The following PARD3B variants were observed in gnomAD, a reference collection of about 807,000 sequenced individuals.
PARD3B encodes the protein partitioning defective 3 homolog B.
A neutral mutation model predicts 130.2 loss-of-function variants in PARD3B; 103 were observed. The ratio of observed to expected loss-of-function variants is 0.79; its 90% CI spans 0.67 to 0.93. PARD3B has a LOEUF of 0.93. Among genes scored for constraint, PARD3B ranks in the 40% least tolerant of loss-of-function variants. The probability of loss-of-function intolerance (pLI) is 0.00; values close to 1 mark genes in which losing one functional copy is unlikely to be tolerated. For synonymous variants in PARD3B, 583 were observed against 553.2 expected, an observed-to-expected ratio of 1.05 and a Z score of -0.76; for missense variants, 1,609 against 1,499.2, an observed-to-expected ratio of 1.07 and a Z score of -1.21.
chr2:205,179,706 A>C (rs878862968), intron 13 of PARD3B, among the ~76,000 whole-genome samples: 1 of 152,220 alleles, frequency 6.6e-6, no homozygotes, highest in Admixed American at 6.5e-5. Context: ...TTTTCTCAGA[A>C]TATATCCTCC....
intron 2 of PARD3B, among the ~76,000 whole-genome samples, chr2:204,848,089 T>C (rs1350266013): frequency 6.6e-6 from 1 of 152,214 alleles, no homozygotes; most frequent in African/African-American, 2.4e-5. Flanking sequence ...TATTACAGTG[T>C]ATTGTTATAA....
At chr2:205,273,665 G>A (rs1036933900) in intron 16 of PARD3B, among the ~76,000 whole-genome samples, 2 of 152,184 alleles carry the variant, frequency 1.3e-5, no homozygotes, top group Admixed American at 1.3e-4. Flanking sequence ...TCTTTGAGAT[G>A]TCATGAGTTT....
intron 22 of PARD3B, among the ~76,000 whole-genome samples, chr2:205,555,623 G>C: frequency 6.6e-6 from 1 of 152,138 alleles, no homozygotes; most frequent in Non-Finnish European, 1.5e-5. Context: ...GCCAGCCCCA[G>C]AATAAAACTG....
intron 1 of PARD3B, among the ~76,000 whole-genome samples, chr2:204,603,172 A>G (rs1339558071): frequency 6.6e-6 from 1 of 152,132 alleles, no homozygotes; most frequent in Admixed American, 6.6e-5. Context: ...CTGAATCCTT[A>G]TCACATAACC....
At chr2:204,724,890 GAGA>G (rs910352278) in intron 2 of PARD3B, among the ~76,000 whole-genome samples, 2 of 152,102 alleles carry the variant, frequency 1.3e-5, no homozygotes, top group African/African-American at 2.4e-5. Flanking sequence ...AGCATGAGAG[GAGA>G]AGAAGTGATA....
At chr2:204,739,032 TAAGA>T (rs954579129) in intron 2 of PARD3B, among the ~76,000 whole-genome samples, 10 of 152,308 alleles carry the variant, frequency 6.6e-5, no homozygotes, top group African/African-American at 1.9e-4. Context: ...GGATTCTGCC[TAAGA>T]GTTTCTACTT....
chr2:205,334,376 A>G (rs1332423124), intron 18 of PARD3B, among the ~76,000 whole-genome samples: 3 of 152,190 alleles, frequency 2.0e-5, no homozygotes, highest in Admixed American at 6.5e-5. Context: ...CATCCCCCCA[A>G]AATGTTAGCA....
At chr2:204,646,345 A>G (rs370499184) in intron 1 of PARD3B, among the ~76,000 whole-genome samples, 1 of 152,088 alleles carries the variant, frequency 6.6e-6, no homozygotes, top group African/African-American at 2.4e-5. Context: ...GACTCTAAAC[A>G]TTCAGTTTAG....
At chr2:204,795,378 G>A (rs1157238458) in intron 2 of PARD3B, among the ~76,000 whole-genome samples, 1 of 152,166 alleles carries the variant, frequency 6.6e-6, no homozygotes, top group African/African-American at 2.4e-5. Flanking sequence ...AAAAGCAAGA[G>A]ACACTACCAT....
intron 21 of PARD3B, among the ~76,000 whole-genome samples, chr2:205,515,548 G>A (rs752751247): frequency 7.4e-6 from 1 of 136,036 alleles, no homozygotes; most frequent in Non-Finnish European, 1.5e-5. Context: ...TGATGGGTGT[G>A]AGATGGTATC....
chr2:205,345,154 G>A (rs142285246), intron 18 of PARD3B, among the ~76,000 whole-genome samples: 1 of 152,192 alleles, frequency 6.6e-6, no homozygotes, highest in Non-Finnish European at 1.5e-5. Context: ...CATACATTTA[G>A]TATACATTTT....
At position 205,523,217 on chromosome 2, in the gene PARD3B, G is replaced by GTATATATATA. The variant is rs1559176093; in HGVS notation, c.3180+23187_3180+23188insATATATATAT. On this transcript the variant is annotated intron_variant, in intron 21 of 22. Transcript: ENST00000406610. Reference sequence around the variant, plus strand: ...TTACCCCCGTGTACTATATGTGTGTGTGTGTGTGTATATATATATATATAT... The same window carrying GTATATATATA: ...TTACCCCCGTGTACTATATGTGTGTGTATATATATATGTGTGTGTATATATATATATATAT... 4.3e-4 allele frequency among the ~76,000 whole-genome samples: 25 copies of GTATATATATA among 58,538 alleles called. No homozygotes were observed. The South Asian group carries it at 0.013, about 31-fold the overall frequency. 38.4% of individuals were successfully genotyped at this position (58,538 alleles called of 152,430 possible). A position where few individuals can be genotyped will look rare whatever the true frequency, so the allele number is the denominator to read the frequency against.
At chr2:204,695,188 C>T (rs2037552520) in intron 2 of PARD3B, among the ~76,000 whole-genome samples, 2 of 152,014 alleles carry the variant, frequency 1.3e-5, no homozygotes, top group African/African-American at 4.8e-5. Flanking sequence ...CCAATTTTCT[C>T]TCTCACATTA....
intron 16 of PARD3B, among the ~76,000 whole-genome samples, chr2:205,257,667 C>T (rs370955567): frequency 5.3e-5 from 8 of 151,802 alleles, no homozygotes; most frequent in Admixed American, 2.0e-4. Context: ...ACATGTTTTT[C>T]GCAAATAAAA....
intron 18 of PARD3B, among the ~76,000 whole-genome samples, chr2:205,399,312 T>TTTTTG (rs550961011): frequency 0.028 from 4,328 of 152,020 alleles, 196 homozygotes; most frequent in African/African-American, 0.1. Flanking sequence ...CCCCAAGTTT[T>TTTTTG]TTTTGTTTTG....
At chr2:204,735,271 C>T (rs1319212466) in intron 2 of PARD3B, among the ~76,000 whole-genome samples, 1 of 152,016 alleles carries the variant, frequency 6.6e-6, no homozygotes, top group Non-Finnish European at 1.5e-5. Flanking sequence ...CTGAAAATAC[C>T]CATCCTTGTC....
chr2:205,398,286 A>T (rs1314705633), intron 18 of PARD3B, among the ~76,000 whole-genome samples: 2 of 150,902 alleles, frequency 1.3e-5, no homozygotes, highest in Non-Finnish European at 2.9e-5. Context: ...CAGTAACAAG[A>T]GTGAAACAAC....
chr2:205,063,508 T>C (rs1233707343), intron 4 of PARD3B, among the ~76,000 whole-genome samples: 1 of 152,116 alleles, frequency 6.6e-6, no homozygotes, highest in African/African-American at 2.4e-5. Context: ...ACCACCCAAA[T>C]TACCAGCATG....
chr2:204,984,102 C>G (rs1182207026), intron 3 of PARD3B, among the ~76,000 whole-genome samples: 1 of 151,856 alleles, frequency 6.6e-6, no homozygotes, highest in Non-Finnish European at 1.5e-5. Flanking sequence ...TTCCCTGCAT[C>G]TATAAAACAT....
Sources: gnomAD v4.1 joint callset for allele counts (sites outside exome capture counted in the v4.1 genomes callset) on GRCh38, gnomAD v4.1.1 for gene constraint, MANE v1.5 for transcripts, NCBI Gene and HGNC (gene_info 2026-07-23, HGNC 2026-07-21) for gene names.